ULK1: variants seen among roughly 807,000 people sequenced by gnomAD.
ULK1 encodes unc-51 like autophagy activating kinase 1.
In ULK1, 48 loss-of-function variants were observed where a neutral mutation model predicts 117.5. The observed-to-expected ratio is 0.41, with a 90% CI of 0.32 to 0.52. The LOEUF (loss-of-function observed/expected upper bound fraction) is 0.52, where lower values mean the gene tolerates loss of function less well. ULK1 is among the 20% of genes least tolerant of loss of function. The pLI is 0.29. For missense variants in ULK1, 1,387 were observed against 1,473.4 expected, an observed-to-expected ratio of 0.94 and a Z score of 0.96; for synonymous variants, 790 against 637.8, an observed-to-expected ratio of 1.24 and a Z score of -3.60.
At chr12:131,895,205 C>A (rs1382949222) in intron 1 of ULK1, 93 bp downstream of exon 1, 4 of 996,748 alleles carry the variant, frequency 4.0e-6, no homozygotes, top group Non-Finnish European at 4.2e-6. Flanking sequence ...GGGACCCCCC[C>A]ACGCCTCCCG....
intron 13 of ULK1, 125 bp downstream of exon 13, chr12:131,912,214 GC>G: frequency 7.1e-7 from 1 of 1,401,610 alleles, no homozygotes; most frequent in African/African-American, 1.4e-5. Flanking sequence ...GCCCCTGGGA[GC>G]CACCGGCATC....
intron 18 of ULK1, 31 bp from the exon 19 acceptor site, chr12:131,915,860 G>A: frequency 6.2e-7 from 1 of 1,604,462 alleles, no homozygotes; most frequent in Non-Finnish European, 8.5e-7. Context: ...CGCCGGACCG[G>A]AAGGTCGTGA....
rs776906136 is a variant in ULK1 at position 131,915,322 on chromosome 12, T to A, written c.1523-13T>A. The stretch of plus-strand genomic sequence containing the variant: ...TCCCAGCTGGACCCTGACAGATCTC[T>A]CTTTTCCCCAAGTTGGAACCATCCC... On this transcript the variant is annotated splice_polypyrimidine_tract_variant and intron_variant, in intron 17 of 27. Coordinates refer to ENST00000321867, the MANE Select transcript of ULK1 (RefSeq NM_003565.4). 9.3e-6 allele frequency: 15 copies of A among 1,612,494 alleles called. No individual in the cohort carries two copies. Among genetic ancestry groups the A allele is most frequent in the Non-Finnish European group, 1.2e-5 (14 of 1,179,886 alleles).
chr12:131,920,065 A>G lies in ULK1; in HGVS notation c.2890A>G (p.Lys964Glu). Reference sequence around the variant, plus strand: ...GCGGCTGCAGCGCTTCTTCCTGGACAAGCAGCGGCTCCTGGACCGCATTCA... The same window carrying G: ...GCGGCTGCAGCGCTTCTTCCTGGACGAGCAGCGGCTCCTGGACCGCATTCA... ...SLRLQRFFLD[K>E]QRLLDRIHSI... Residue 964 changes from lysine (K) to glutamate (E), a missense_variant, in exon 26 of 28, where the codon AAG becomes GAG. By Grantham distance (56) the Lys-to-Glu change is moderately conservative. Transcript: ENST00000321867. 6.2e-7 allele frequency: 1 copy of G among 1,612,818 alleles called. No individual in the cohort carries two copies. The highest frequency in any genetic ancestry group is 8.5e-7 in the Non-Finnish European group (1 of 1,179,960).
rs1344210375 is a variant in ULK1, at chr12:131,908,664, G to A, written c.337G>A (p.Asp113Asn). Residue 113 changes from aspartate (D) to asparagine (N), a missense_variant, in exon 6 of 28, where the codon GAC becomes AAC. Asp to Asn is a conservative substitution (Grantham distance 23). Coordinates refer to ENST00000321867, the MANE Select transcript of ULK1 (RefSeq NM_003565.4). ...YLHAMRTLSE[D>N]TIRLFLQQIA... is the part of the protein sequence containing the mutation. The stretch of plus-strand genomic sequence containing the variant: ...CGCAGCCATGCGCACGCTGAGCGAG[G>A]ACACCATCAGGCTCTTCCTGCAGCA... 3 of 1,558,612 alleles carry A rather than the reference G, an allele frequency of 1.9e-6. No individual in the cohort carries two copies. Among genetic ancestry groups the A allele is most frequent in the African/African-American group, 2.7e-5 (2 of 73,054 alleles).
chr12:131,920,352 G>A (rs1890098367), intron 26 of ULK1: 1 of 587,998 alleles, frequency 1.7e-6, no homozygotes, highest in Non-Finnish European at 2.9e-6. Flanking sequence ...CGTGGCCCAT[G>A]TGCATCCTGC....
intron 3 of ULK1, among the ~76,000 whole-genome samples, chr12:131,899,674 A>C (rs1190968699): frequency 2.6e-5 from 4 of 152,182 alleles, no homozygotes; most frequent in Admixed American, 6.5e-5. Flanking sequence ...ATTTCTGGCA[A>C]GCTCTTGGTC....
At position 131,922,658 on chromosome 12, in the gene ULK1, T is replaced by TG. The variant is rs140324821; in HGVS notation, c.*1298dup. 6.5e-6 allele frequency: 1 copy of TG among 153,092 alleles called. No individual in the cohort carries two copies. The highest frequency in any genetic ancestry group is 2.4e-5 in the African/African-American group (1 of 41,600). 9.5% of individuals were successfully genotyped at this position (153,092 alleles called of 1,614,324 possible). Reference sequence around the variant, plus strand: ...AGCCCTGCCTGAATCAGTAGATACTTGAACGAGTCCCCAGTCTGCGGGAGG... The same window carrying TG: ...AGCCCTGCCTGAATCAGTAGATACTTGGAACGAGTCCCCAGTCTGCGGGAGG... On this transcript the variant is annotated 3_prime_UTR_variant, in exon 28 of 28. Coordinates refer to ENST00000321867, the MANE Select transcript of ULK1 (RefSeq NM_003565.4).
Position 131,902,003 on chromosome 12 carries a change from C to G in ULK1, c.247-4889C>G, listed in dbSNP as rs1263808074. Among the ~76,000 whole-genome samples, 1 of 152,168 alleles carries G rather than the reference C, an allele frequency of 6.6e-6. No individual in the cohort carries two copies. The highest frequency in any genetic ancestry group is 1.9e-4 in the East Asian group (1 of 5,196). On this transcript the variant is annotated intron_variant, in intron 3 of 27. Transcript: ENST00000321867. The surrounding 1 kb of genome is among the most constrained non-coding windows in gnomAD (Gnocchi z 6.3). Reference sequence around the variant, plus strand: ...TGCATCTAGGGACCTGCCTCAACCCCCTGCGGCTGGCTCCCGGATTGTCCA... The same window carrying G: ...TGCATCTAGGGACCTGCCTCAACCCGCTGCGGCTGGCTCCCGGATTGTCCA...
At chr12:131,895,138 C>T in intron 1 of ULK1, 26 bp downstream of exon 1, 2 of 1,478,506 alleles carry the variant, frequency 1.4e-6, no homozygotes, top group South Asian at 1.3e-5. Context: ...GGCCCGGGAT[C>T]CCCCGCCCAG....
intron 26 of ULK1, 39 bp from the exon 27 acceptor site, chr12:131,921,061 G>A: frequency 6.5e-7 from 1 of 1,544,756 alleles, no homozygotes; most frequent in Non-Finnish European, 8.7e-7. Flanking sequence ...GAGGGAGTGG[G>A]GTGAGCTGGC....
At position 131,919,551 on chromosome 12, in the gene ULK1, C is replaced by A. The variant is rs543744479; in HGVS notation, c.2764C>A (p.Arg922=). The part of the protein sequence containing the change: ...SGLQSAIDQI[R]AGKLCLSSTV... ...CCTGCAAAGTGCCATCGACCAGATC[C>A]GGGCCGGCAAGCTCTGCCTGTCGTC... Residue 922 remains arginine, a synonymous_variant, in exon 25 of 28, where the codon CGG becomes AGG. Transcript: ENST00000321867. 2 of 1,612,208 alleles carry A rather than the reference C, an allele frequency of 1.2e-6. No individual in the cohort carries two copies.
Position 131,920,097 on chromosome 12 carries a change from C to G in ULK1, c.2922C>G (p.Ile974Met). 6.2e-7 allele frequency: 1 copy of G among 1,612,838 alleles called. No homozygotes were observed. The highest frequency in any genetic ancestry group is 8.5e-7 in the Non-Finnish European group (1 of 1,179,938). ...GGCTCCTGGACCGCATTCACAGCAT[C>G]ACTGCCGAGAGGCTCATCTTCAGCC... ...KQRLLDRIHS[I>M]TAERLIFSHA... The change falls in exon 26 of 28, where the codon ATC (isoleucine) becomes ATG (methionine). Residue 974 changes from isoleucine (I) to methionine (M), a missense_variant. Transcript: ENST00000321867.
chr12:131,920,791 C>A, intron 26 of ULK1: 1 of 387,760 alleles, frequency 2.6e-6, no homozygotes, highest in East Asian at 4.0e-5. Flanking sequence ...GTCAGCCTCC[C>A]TCCTGCCCCC....
rs540597298 is a variant in ULK1 at position 131,917,519 on chromosome 12, C to A, written c.2291C>A (p.Thr764Lys). 5 of 1,460,364 alleles carry A rather than the reference C, an allele frequency of 3.4e-6. No individual in the cohort carries two copies. The highest frequency in any genetic ancestry group is 5.0e-5 in the Admixed American group (2 of 40,288). The allele number at this position is 1,460,364 out of a possible 1,614,324, so 90.5% of individuals were successfully genotyped here. ...FTVGSPPSGS[T>K]PPQGPRTRMF... ...GTGGGCTCTCCCCCGAGCGGGAGCA[C>A]GCCCCCCCAGGGCCCCCGCACCAGG... Residue 764 changes from threonine (T) to lysine (K), a missense_variant, in exon 22 of 28, where the codon ACG (threonine) becomes AAG (lysine). Around this residue, in one of 4 missense-constraint regions of ULK1, gnomAD observed 900 missense variants for 858.9 expected, o/e 1.05. Transcript: ENST00000321867.
chr12:131,921,576 T>C lies in ULK1; in HGVS notation c.*215T>C. On this transcript the variant is annotated 3_prime_UTR_variant, in exon 28 of 28. Coordinates refer to ENST00000321867, the MANE Select transcript of ULK1 (RefSeq NM_003565.4). ...ACAGCTTGGGGGGTGTCTCCCATCT[T>C]TTACAGGTGGGGATCACAGAATTTC... The C allele has an allele frequency of 2.9e-6, 2 of 690,448 alleles. No individual in the cohort carries two copies. The highest frequency in any genetic ancestry group is 3.6e-5 in the African/African-American group (2 of 55,906). 42.8% of individuals were successfully genotyped at this position (690,448 alleles called of 1,614,324 possible).
chr12:131,912,494 G>T (rs975812175), intron 13 of ULK1, among the ~76,000 whole-genome samples: 3 of 152,208 alleles, frequency 2.0e-5, no homozygotes, highest in Admixed American at 2.0e-4. Context: ...AATGGCCAGG[G>T]GCTGCCCACG....
rs1376185022 is a variant in ULK1 at position 131,917,491 on chromosome 12, A to G, written c.2263A>G (p.Thr755Ala). 2.3e-5 allele frequency: 34 copies of G among 1,497,296 alleles called. No individual in the cohort carries two copies. Among genetic ancestry groups the G allele is most frequent in the Non-Finnish European group, 3.0e-5 (34 of 1,121,784 alleles). 92.8% of individuals were successfully genotyped at this position (1,497,296 alleles called of 1,614,324 possible). ...CAGCAGCCCTTCCCCGGTGGTCTTC[A>G]CCGTGGGCTCTCCCCCGAGCGGGAG... ...GTSSPSPVVF[T>A]VGSPPSGSTP... The change falls in exon 22 of 28, where the codon ACC becomes GCC. Residue 755 changes from threonine to alanine, a missense_variant. Coordinates refer to ENST00000321867, the MANE Select transcript of ULK1 (RefSeq NM_003565.4).
In ULK1 at chr12:131,915,077, C is replaced by T; in HGVS notation, c.1374-6C>T. On this transcript the variant is annotated splice_polypyrimidine_tract_variant and splice_region_variant and intron_variant, in intron 16 of 27. Coordinates refer to ENST00000321867, the MANE Select transcript of ULK1 (RefSeq NM_003565.4). ...CCTCCCCTCCTAATATCTGCCTTGT[C>T]TTCAGGTCCTCTGCCATCCGCAGGT... 2 of 1,537,826 alleles carry T rather than the reference C, an allele frequency of 1.3e-6. No homozygotes were observed. The highest frequency in any genetic ancestry group is 2.5e-5 in the South Asian group (2 of 78,760).
Sources: gnomAD v4.1 joint callset for allele counts (sites outside exome capture counted in the v4.1 genomes callset) on GRCh38, gnomAD v4.1.1 for gene constraint, gnomAD v4.1.1 regional missense constraint, Gnocchi (gnomAD v3.1) non-coding constraint, MANE v1.5 for transcripts, NCBI Gene and HGNC (gene_info 2026-07-23, HGNC 2026-07-21) for gene names.